PWWP3A: variants seen among roughly 807,000 people sequenced by gnomAD.
The protein encoded by PWWP3A is PWWP domain-containing DNA repair factor 3A.
Under a neutral mutation model 79.0 loss-of-function variants are expected in PWWP3A, and 53 were observed. The ratio of observed to expected loss-of-function variants is 0.67; its 90% confidence interval spans 0.54 to 0.84. PWWP3A has a LOEUF of 0.84. Ranked by LOEUF, PWWP3A falls within the 40% of genes least tolerant of loss-of-function variation. The pLI, the probability that PWWP3A is intolerant of heterozygous loss-of-function variation, is 0.00. For missense variants in PWWP3A, 973 were observed against 948.0 expected (o/e 1.03, Z -0.35); for synonymous variants, 443 against 394.4 (o/e 1.12, Z -1.46).
chr19:1,360,088 G>A lies in PWWP3A; in HGVS notation c.215-48G>A, dbSNP rs573154322. On this transcript the variant is annotated intron_variant, in intron 4 of 13. Coordinates refer to ENST00000591337, the MANE Select transcript of PWWP3A (RefSeq NM_001369789.1). This position sits in a 1 kb window ranked among gnomAD's most constrained non-coding sequence, Gnocchi z 4.4. The stretch of plus-strand genomic sequence containing the variant: ...TCTAAAGCGATGCCGTGACCGCAGT[G>A]CCTGTGCAGTGAACGTAACCGGCAT... The A allele has an allele frequency of 6.6e-7, 1 of 1,505,250 alleles. No individual in the cohort carries two copies. Among genetic ancestry groups the A allele is most frequent in the South Asian group, 1.3e-5 (1 of 74,564 alleles). The allele number at this position is 1,505,250 out of a possible 1,614,324, so 93.2% of individuals were successfully genotyped here.
chr19:1,355,293 C>T (rs1019289748), intron 1 of PWWP3A, among the ~76,000 whole-genome samples, 158 bp downstream of exon 1: 2 of 151,840 alleles, frequency 1.3e-5, no homozygotes, highest in African/African-American at 2.4e-5. Context: ...CCCTTTTCCG[C>T]CCCTGGCGCC....
intron 9 of PWWP3A, 95 bp downstream of exon 9, chr19:1,367,315 G>A: frequency 9.6e-7 from 1 of 1,036,580 alleles, no homozygotes; most frequent in Non-Finnish European, 1.5e-6. Context: ...CATGGCTGCG[G>A]TGTACGCGTG....
chr19:1,375,628 T>TTATATATTATATAATATATAATTG (rs2082366861), intron 13 of PWWP3A, among the ~76,000 whole-genome samples: 1 of 136,636 alleles, frequency 7.3e-6, no homozygotes, highest in South Asian at 2.1e-4. Flanking sequence ...TATAACAATT[T>TTATATATTATATAATATATAATTG]TATATATTAT....
At chr19:1,365,525 C>T (rs2668415) in intron 7 of PWWP3A, among the ~76,000 whole-genome samples, 2,694 of 152,346 alleles carry the variant, frequency 0.018, 81 homozygotes, top group African/African-American at 0.061. Flanking sequence ...ATTGTGGTTC[C>T]GGGAAACCGG....
intron 13 of PWWP3A, 167 bp downstream of exon 13, chr19:1,373,327 G>C: frequency 1.6e-6 from 1 of 632,692 alleles, no homozygotes; most frequent in African/African-American, 1.8e-5. Flanking sequence ...TCACCCTGTG[G>C]GTCACTCCTG....
rs773844507 is a variant in PWWP3A at position 1,356,341 on chromosome 19, C to G, written c.-52C>G. On this transcript the variant is annotated 5_prime_UTR_variant, in exon 2 of 14. Transcript: ENST00000591337. ...CGTTCCAGGACACATTGGCGTGAGA[C>G]CTGGGAGTACGTTGTGCCAAATCAT... 2 of 1,586,406 alleles carry G rather than the reference C, an allele frequency of 1.3e-6. No homozygotes were observed. Among genetic ancestry groups the G allele is most frequent in the Non-Finnish European group, 1.7e-6 (2 of 1,154,920 alleles).
chr19:1,370,753 A>G lies in PWWP3A; in HGVS notation c.1661A>G (p.Gln554Arg). The G allele has an allele frequency of 6.7e-7, 1 of 1,502,542 alleles. No individual in the cohort carries two copies. The highest frequency in any genetic ancestry group is 1.3e-5 in the South Asian group (1 of 75,814). 93.1% of individuals were successfully genotyped at this position (1,502,542 alleles called of 1,614,324 possible). ...PVVGCPLGQR[Q>R]PCRKMLPDRS... ...GTGGGGTGCCCCCTGGGGCAGAGGC[A>G]GCCCTGCCGGAAAATGCTCCCCGAC... The change falls in exon 12 of 14, where the codon CAG (glutamine) becomes CGG (arginine). Residue 554 changes from glutamine (Q) to arginine (R), a missense_variant. Gln to Arg is a conservative substitution (Grantham distance 43). Transcript: ENST00000591337.
rs959953284 is a variant in PWWP3A, at chr19:1,368,983, C to T, written c.1423-282C>T. 5 of 356,032 alleles carry T rather than the reference C, an allele frequency of 1.4e-5. No individual in the cohort carries two copies. Among genetic ancestry groups the T allele is most frequent in the South Asian group, 7.7e-5 (3 of 39,180 alleles). 22.1% of individuals were successfully genotyped at this position (356,032 alleles called of 1,614,324 possible). A position where few individuals can be genotyped will look rare whatever the true frequency, so the allele number is the denominator to read the frequency against. ...AGATCAGCCCAAGCCATCGGGTCCC[C>T]GGTGCCCACCTGCGTTCAGATCAGC... On this transcript the variant is annotated intron_variant, in intron 9 of 13. Transcript: ENST00000591337. This position sits in a 1 kb window ranked among gnomAD's most constrained non-coding sequence, Gnocchi z 4.7.
At chr19:1,364,743 G>C (rs889136752) in intron 7 of PWWP3A, among the ~76,000 whole-genome samples, 164 bp downstream of exon 7, 1 of 152,180 alleles carries the variant, frequency 6.6e-6, no homozygotes, top group Non-Finnish European at 1.5e-5. Flanking sequence ...TTCAGGAGAT[G>C]CCTGTACCTA....
chr19:1,358,175 T>C (rs2081925340), intron 3 of PWWP3A: 1 of 490,354 alleles, frequency 2.0e-6, no homozygotes, highest in African/African-American at 2.0e-5. Flanking sequence ...AGCCAACCTT[T>C]TCTGTCTTAA....
In PWWP3A at chr19:1,360,260, T is replaced by TAGAGCTGACCGGTCTCTGCGA; in HGVS notation, c.340_360dup (p.Arg114_Arg120dup). 1 of 1,614,022 alleles carries TAGAGCTGACCGGTCTCTGCGA rather than the reference T, an allele frequency of 6.2e-7. No homozygotes were observed. The highest frequency in any genetic ancestry group is 1.6e-4 in the Middle Eastern group (1 of 6,062). ...GTCAAGAAAGCTCTGCAGGGACAGG[T>TAGAGCTGACCGGTCTCTGCGA]AGAGCTGACCGGTCTCTGCGAGGGA... is the stretch of plus-strand genomic sequence containing the variant. On this transcript the variant is annotated inframe_insertion, in exon 5 of 14. Transcript: ENST00000591337. This position sits in a 1 kb window ranked among gnomAD's most constrained non-coding sequence, Gnocchi z 4.4.
chr19:1,375,912 CGATTCTTCTGACTCAG>C (rs1555773500), intron 13 of PWWP3A, among the ~76,000 whole-genome samples: 1 of 146,894 alleles, frequency 6.8e-6, no homozygotes, highest in Non-Finnish European at 1.5e-5. Context: ...TTGGTTCAAG[CGATTCTTCTGACTCAG>C]CCTCCCGAGT....
At chr19:1,362,415 C>T (rs1041129974) in intron 6 of PWWP3A, 64 bp downstream of exon 6, 6 of 1,318,202 alleles carry the variant, frequency 4.6e-6, no homozygotes, top group Non-Finnish European at 6.4e-6. Flanking sequence ...GGCGGCGGGG[C>T]TCCGAGACCG....
intron 12 of PWWP3A, chr19:1,372,857 T>C (rs2144762896): frequency 5.5e-6 from 3 of 545,756 alleles, no homozygotes; most frequent in Non-Finnish European, 6.5e-6. Flanking sequence ...ATCTGAGCTA[T>C]TGTGTCTAGT....
chr19:1,360,259 G>A lies in PWWP3A; in HGVS notation c.338G>A (p.Gly113Asp). The change falls in exon 5 of 14, where the codon GGT becomes GAT. Residue 113 changes from glycine to aspartate, a missense_variant. Transcript: ENST00000591337. This position sits in a 1 kb window ranked among gnomAD's most constrained non-coding sequence, Gnocchi z 4.4. ...IWSQESSAGTGRADRSLRGKP... is the reference protein window; with the variant it reads ...IWSQESSAGTDRADRSLRGKP... Reference sequence around the variant, plus strand: ...AGTCAAGAAAGCTCTGCAGGGACAGGTAGAGCTGACCGGTCTCTGCGAGGG... The same window carrying A: ...AGTCAAGAAAGCTCTGCAGGGACAGATAGAGCTGACCGGTCTCTGCGAGGG... 6.2e-7 allele frequency: 1 copy of A among 1,614,142 alleles called. No homozygotes were observed. The highest frequency in any genetic ancestry group is 8.5e-7 in the Non-Finnish European group (1 of 1,180,020).
Position 1,376,886 on chromosome 19 carries a change from GT to G in PWWP3A, c.*313del, listed in dbSNP as rs1174639275. 1 of 257,454 alleles carries G rather than the reference GT, an allele frequency of 3.9e-6. No individual in the cohort carries two copies. 15.9% of individuals were successfully genotyped at this position (257,454 alleles called of 1,614,324 possible). A position where few individuals can be genotyped will look rare whatever the true frequency, so the allele number is the denominator to read the frequency against. ...CGCCAGTACTCCTGGCTGTGCTGTGGTTTCTCCCGACGTGCACATCGATCTC... is the reference window on the plus strand; with the variant it reads ...CGCCAGTACTCCTGGCTGTGCTGTGGTTCTCCCGACGTGCACATCGATCTC... On this transcript the variant is annotated 3_prime_UTR_variant, in exon 14 of 14. Transcript: ENST00000591337.
chr19:1,361,302 C>T (rs1022161747), intron 5 of PWWP3A, among the ~76,000 whole-genome samples: 3 of 152,210 alleles, frequency 2.0e-5, no homozygotes, highest in Admixed American at 1.3e-4. Context: ...CGGCGGGCCA[C>T]GATTGTCTGC....
intron 13 of PWWP3A, among the ~76,000 whole-genome samples, chr19:1,375,828 C>CA (rs1568967168): frequency 7.6e-6 from 1 of 131,294 alleles, no homozygotes; most frequent in Non-Finnish European, 1.6e-5. Context: ...TTTTTTGAGA[C>CA]AGAGTCTTGC....
chr19:1,361,080 T>C lies in PWWP3A; in HGVS notation c.1111+48T>C, dbSNP rs917318450. On this transcript the variant is annotated intron_variant, in intron 5 of 13. Transcript: ENST00000591337. ...GAGAGCGCAGAGGGTGGAGTCCTGC[T>C]CCTCCGCAGCCAGACTGGGAGCCAG... is the stretch of plus-strand genomic sequence containing the variant. The C allele has an allele frequency of 1.6e-5, 22 of 1,376,576 alleles. No individual in the cohort carries two copies. The African/African-American group carries it at 3.2e-4, about 20-fold the overall frequency. 85.3% of individuals were successfully genotyped at this position (1,376,576 alleles called of 1,614,324 possible).
Sources: gnomAD v4.1 joint callset for allele counts (sites outside exome capture counted in the v4.1 genomes callset) on GRCh38, gnomAD v4.1.1 for gene constraint, Gnocchi (gnomAD v3.1) non-coding constraint, MANE v1.5 for transcripts, NCBI Gene and HGNC (gene_info 2026-07-23, HGNC 2026-07-21) for gene names.